RNF115: variants seen among roughly 807,000 people sequenced by gnomAD.
RNF115 encodes ring finger protein 115, also known as E3 ubiquitin-protein ligase RNF115.
RNF115 carries 31 observed loss-of-function variants against 39.2 expected under a neutral mutation model. That is an observed-to-expected ratio of 0.79 (90% CI 0.59 to 1.07). RNF115 has a LOEUF of 1.07. Ranked by LOEUF, RNF115 falls within the 50% of genes least tolerant of loss-of-function variation. RNF115 has a pLI of 0.00. For missense variants in RNF115, 384 were observed against 381.7 expected (o/e 1.01, Z -0.05); for synonymous variants, 124 against 131.0 (o/e 0.95, Z 0.37).
intron 4 of RNF115, among the ~76,000 whole-genome samples, chr1:145,765,631 CTG>C (rs1238996465): frequency 7.8e-6 from 1 of 127,800 alleles, no homozygotes; most frequent in Non-Finnish European, 1.6e-5. Flanking sequence ...TTTATAGTCA[CTG>C]AAACAGAATA....
At chr1:145,784,696 G>T in intron 2 of RNF115, 100 bp from the exon 3 acceptor site, 2 of 986,620 alleles carry the variant, frequency 2.0e-6, no homozygotes, top group East Asian at 2.5e-5. Flanking sequence ...AGCCCAATAA[G>T]GAAAAATAAC....
intron 4 of RNF115, among the ~76,000 whole-genome samples, chr1:145,760,672 A>T (rs1658465970): frequency 6.6e-6 from 1 of 152,146 alleles, no homozygotes; most frequent in African/African-American, 2.4e-5. Flanking sequence ...GTCCAATTAA[A>T]GCTCTTTTTC....
chr1:145,767,501 G>A (rs1647391370), intron 4 of RNF115, among the ~76,000 whole-genome samples: 1 of 151,620 alleles, frequency 6.6e-6, no homozygotes. Context: ...GGGCAGCCAG[G>A]CAGAGAGGCT....
intron 4 of RNF115, among the ~76,000 whole-genome samples, chr1:145,753,842 G>T (rs781890479): frequency 6.6e-6 from 1 of 151,978 alleles, no homozygotes; most frequent in Non-Finnish European, 1.5e-5. Flanking sequence ...TTAGCCTCCC[G>T]AGTAGCTGGG....
chr1:145,766,127 C>T (rs1276768778), intron 4 of RNF115, among the ~76,000 whole-genome samples: 2 of 152,012 alleles, frequency 1.3e-5, no homozygotes, highest in South Asian at 2.1e-4. Context: ...TTTTCCTAGG[C>T]AGAGGACCCT....
chr1:145,779,776 C>A (rs587742183), intron 3 of RNF115, among the ~76,000 whole-genome samples: 3 of 152,110 alleles, frequency 2.0e-5, no homozygotes, highest in South Asian at 4.2e-4. Context: ...GATTCTCCTG[C>A]CTCAGCCTCC....
chr1:145,751,205 T>A (rs1159936883), intron 6 of RNF115, among the ~76,000 whole-genome samples: 1 of 152,226 alleles, frequency 6.6e-6, no homozygotes, highest in Non-Finnish European at 1.5e-5. Flanking sequence ...AGAAGTCTTT[T>A]CTTCCTATGG....
chr1:145,743,921 A>G lies in RNF115; in HGVS notation c.*2945T>C, dbSNP rs1422002116. On this transcript the variant is annotated 3_prime_UTR_variant, in exon 9 of 9. Coordinates refer to ENST00000582693, the MANE Select transcript of RNF115 (RefSeq NM_014455.4). ...TTATAAGAAGAAACACAACAGATCCATTAAGTGGGACAGGTCTGGGAAACA... is the reference window on the plus strand; with the variant it reads ...TTATAAGAAGAAACACAACAGATCCGTTAAGTGGGACAGGTCTGGGAAACA... The G allele has an allele frequency of 6.6e-6, 1 of 152,354 alleles. No homozygotes were observed. The highest frequency in any genetic ancestry group is 1.5e-5 in the Non-Finnish European group (1 of 68,052). The allele number at this position is 152,354 out of a possible 1,614,324, so 9.4% of individuals were successfully genotyped here. A position where few individuals can be genotyped will look rare whatever the true frequency, so the allele number is the denominator to read the frequency against.
intron 4 of RNF115, among the ~76,000 whole-genome samples, chr1:145,764,373 C>T (rs587653473): frequency 7.9e-5 from 12 of 152,080 alleles, no homozygotes; most frequent in African/African-American, 2.9e-4. Flanking sequence ...GCCCGGCCGC[C>T]ATCCCATCTA....
intron 1 of RNF115, among the ~76,000 whole-genome samples, chr1:145,805,658 C>T (rs930864370): frequency 5.3e-5 from 8 of 152,100 alleles, no homozygotes; most frequent in Middle Eastern, 3.4e-3. Flanking sequence ...AATTTAAATC[C>T]TAGTATGTCA....
In RNF115 at chr1:145,808,237, T is replaced by C. The variant is rs587722943; in HGVS notation, c.102+15535A>G. Among the ~76,000 whole-genome samples, 8 of 152,296 alleles carry C rather than the reference T, an allele frequency of 5.3e-5. No individual in the cohort carries two copies. In the East Asian group the frequency reaches 1.2e-3, roughly 22 times the overall value. On this transcript the variant is annotated intron_variant, in intron 1 of 8. Transcript: ENST00000582693. The stretch of plus-strand genomic sequence containing the variant: ...GCGGGATTGCTGGATTGTATGGTAG[T>C]TTTCAGTTTTTTTTGAAATATATCC...
At chr1:145,767,285 C>G (rs1461745868) in intron 4 of RNF115, among the ~76,000 whole-genome samples, 1 of 111,102 alleles carries the variant, frequency 9.0e-6, no homozygotes, top group Non-Finnish European at 1.8e-5. Flanking sequence ...AGGAGCTTCT[C>G]ACTTCTCAGA....
chr1:145,823,769 T>C lies in RNF115; in HGVS notation c.102+3A>G, dbSNP rs1650432263. ...CCAAGTATAGAGAACACAGCGCTCT[T>C]ACCGGTAGTTTGGGGCTGACCTCGC... On this transcript the variant is annotated splice_donor_region_variant and intron_variant, in intron 1 of 8. Coordinates refer to ENST00000582693, the MANE Select transcript of RNF115 (RefSeq NM_014455.4). 1.9e-6 allele frequency: 3 copies of C among 1,570,496 alleles called. No individual in the cohort carries two copies. The highest frequency in any genetic ancestry group is 5.0e-5 in the East Asian group (2 of 39,672).
At chr1:145,755,165 C>T (rs1658251197) in intron 4 of RNF115, among the ~76,000 whole-genome samples, 2 of 151,702 alleles carry the variant, frequency 1.3e-5, no homozygotes, top group African/African-American at 2.4e-5. Flanking sequence ...TCACTTGAAC[C>T]CAGGAGGAGG....
At chr1:145,767,942 C>G (rs1387950167) in intron 4 of RNF115, among the ~76,000 whole-genome samples, 5 of 42,780 alleles carry the variant, frequency 1.2e-4, no homozygotes, top group African/African-American at 6.5e-4. Flanking sequence ...AGCTTCGGCT[C>G]GGCATCAGAG....
chr1:145,803,081 C>T (rs991824152), intron 1 of RNF115, among the ~76,000 whole-genome samples: 6 of 152,188 alleles, frequency 3.9e-5, no homozygotes, highest in African/African-American at 1.4e-4. Context: ...TTTCTCTCAA[C>T]TCTCCTTCAA....
chr1:145,774,684 A>G (rs1285088410), intron 3 of RNF115, among the ~76,000 whole-genome samples: 1 of 152,156 alleles, frequency 6.6e-6, no homozygotes, highest in African/African-American at 2.4e-5. Context: ...TCAGTGTTAA[A>G]TCACACTGAG....
At chr1:145,764,906 C>A (rs1305452898) in intron 4 of RNF115, among the ~76,000 whole-genome samples, 2 of 152,244 alleles carry the variant, frequency 1.3e-5, no homozygotes, top group Admixed American at 6.5e-5. Flanking sequence ...CGGCCACCAC[C>A]CCGTCTAGGA....
intron 7 of RNF115, among the ~76,000 whole-genome samples, chr1:145,749,431 A>G (rs1318475724): frequency 2.0e-5 from 3 of 152,188 alleles, no homozygotes; most frequent in Non-Finnish European, 4.4e-5. Flanking sequence ...AACAAATTAA[A>G]AAATGTAAAA....
Sources: gnomAD v4.1 joint callset for allele counts (sites outside exome capture counted in the v4.1 genomes callset) on GRCh38, gnomAD v4.1.1 for gene constraint, MANE v1.5 for transcripts, NCBI Gene and HGNC (gene_info 2026-07-23, HGNC 2026-07-21) for gene names.